MAN1A2: variants seen among roughly 807,000 people sequenced by gnomAD.
MAN1A2 encodes the protein mannosyl-oligosaccharide 1,2-alpha-mannosidase IB.
In MAN1A2, 26 loss-of-function variants were observed where a neutral mutation model predicts 75.7. The ratio of observed to expected loss-of-function variants is 0.34; its 90% CI spans 0.25 to 0.48. The LOEUF is 0.48. Among genes scored for constraint, MAN1A2 ranks in the 20% least tolerant of loss-of-function variants. MAN1A2 has a pLI of 0.99. For missense variants in MAN1A2, 562 were observed against 775.5 expected (o/e 0.72, Z 3.27); for synonymous variants, 247 against 264.6 (o/e 0.93, Z 0.65).
At position 117,398,067 on chromosome 1, in the gene MAN1A2, A is replaced by G. The variant is rs191254827; in HGVS notation, c.303-4119A>G. Reference sequence around the variant, plus strand: ...TGCATTTTAGTATTTTTAAACACCTATTATATGCCAGGTAGTGTCCTAGGC... The same window carrying G: ...TGCATTTTAGTATTTTTAAACACCTGTTATATGCCAGGTAGTGTCCTAGGC... On this transcript the variant is annotated intron_variant, in intron 1 of 12. Transcript: ENST00000356554. Among the ~76,000 whole-genome samples the G allele has an allele frequency of 2.1e-4, 32 of 152,256 alleles. 1 individual carries two copies. Among genetic ancestry groups the G allele is most frequent in the African/African-American group, 7.0e-4 (29 of 41,536 alleles).
At chr1:117,377,075 T>C (rs1317570627) in intron 1 of MAN1A2, among the ~76,000 whole-genome samples, 1 of 152,190 alleles carries the variant, frequency 6.6e-6, no homozygotes, top group Non-Finnish European at 1.5e-5. Flanking sequence ...CATATATACA[T>C]GAACATATTT....
At chr1:117,445,990 A>G (rs1439088149) in intron 6 of MAN1A2, among the ~76,000 whole-genome samples, 1 of 148,092 alleles carries the variant, frequency 6.8e-6, no homozygotes, top group Non-Finnish European at 1.5e-5. Context: ...CATATATCTT[A>G]TATTCAGATT....
chr1:117,513,615 C>A (rs981518037), intron 12 of MAN1A2, among the ~76,000 whole-genome samples: 33 of 151,614 alleles, frequency 2.2e-4, no homozygotes, highest in African/African-American at 7.3e-4. Context: ...AAAGTAATTT[C>A]ATCTAATTTA....
intron 12 of MAN1A2, among the ~76,000 whole-genome samples, chr1:117,513,716 G>A (rs772197611): frequency 1.3e-5 from 2 of 152,054 alleles, no homozygotes; most frequent in African/African-American, 2.4e-5. Context: ...AAGCAGAAAT[G>A]TAGGAGCTAA....
At chr1:117,483,512 G>T (rs1056328875) in intron 8 of MAN1A2, among the ~76,000 whole-genome samples, 1 of 152,092 alleles carries the variant, frequency 6.6e-6, no homozygotes, top group South Asian at 2.1e-4. Context: ...TTGCAAATGG[G>T]AGTTCACTCA....
chr1:117,478,903 T>C (rs998709253), intron 8 of MAN1A2, among the ~76,000 whole-genome samples: 11 of 151,944 alleles, frequency 7.2e-5, no homozygotes, highest in Non-Finnish European at 1.3e-4. Context: ...CTTTGCATTT[T>C]CTTTCTTTCT....
chr1:117,368,979 G>C (rs1368025044), intron 1 of MAN1A2, among the ~76,000 whole-genome samples: 3 of 152,066 alleles, frequency 2.0e-5, no homozygotes, highest in Non-Finnish European at 4.4e-5. Flanking sequence ...CAGCTTTTTA[G>C]GATGACAAAC....
At chr1:117,510,262 A>G (rs1651494674) in intron 12 of MAN1A2, among the ~76,000 whole-genome samples, 1 of 152,046 alleles carries the variant, frequency 6.6e-6, no homozygotes, top group Non-Finnish European at 1.5e-5. Flanking sequence ...TGCATTTGAC[A>G]TAACTATAAT....
chr1:117,370,943 A>G (rs534368730), intron 1 of MAN1A2, among the ~76,000 whole-genome samples: 1 of 152,330 alleles, frequency 6.6e-6, no homozygotes, highest in South Asian at 2.1e-4. Flanking sequence ...CAGACTGTAT[A>G]GATTCATACC....
chr1:117,444,645 A>G (rs181847215), intron 6 of MAN1A2, among the ~76,000 whole-genome samples: 2 of 152,108 alleles, frequency 1.3e-5, no homozygotes, highest in Non-Finnish European at 2.9e-5. Context: ...TCCTTTTCAT[A>G]AATTTATTGG....
At chr1:117,391,346 G>C (rs1653712688) in intron 1 of MAN1A2, among the ~76,000 whole-genome samples, 1 of 152,084 alleles carries the variant, frequency 6.6e-6, no homozygotes, top group Admixed American at 6.5e-5. Context: ...TGTCCTTATT[G>C]ATTTTCCTTC....
intron 3 of MAN1A2, among the ~76,000 whole-genome samples, chr1:117,410,888 TA>T (rs1284426158): frequency 6.6e-6 from 1 of 151,834 alleles, no homozygotes; most frequent in African/African-American, 2.4e-5. Context: ...TATATGTGTA[TA>T]AATTTGACAA....
chr1:117,512,426 G>T (rs1232095695), intron 12 of MAN1A2, among the ~76,000 whole-genome samples: 1 of 152,032 alleles, frequency 6.6e-6, no homozygotes, highest in East Asian at 1.9e-4. Context: ...TGATAAATAG[G>T]TCTAGAGTGG....
chr1:117,443,516 T>C (rs1197540316), intron 6 of MAN1A2, among the ~76,000 whole-genome samples: 1 of 152,182 alleles, frequency 6.6e-6, no homozygotes, highest in East Asian at 1.9e-4. Context: ...ACTTAGATAA[T>C]AATTAAAACT....
At chr1:117,377,243 TTAA>T (rs1206217149) in intron 1 of MAN1A2, among the ~76,000 whole-genome samples, 1 of 152,240 alleles carries the variant, frequency 6.6e-6, no homozygotes, top group Non-Finnish European at 1.5e-5. Context: ...TTATTTTCTA[TTAA>T]TTTGTGTTGT....
At chr1:117,377,004 A>G (rs1653169310) in intron 1 of MAN1A2, among the ~76,000 whole-genome samples, 1 of 152,204 alleles carries the variant, frequency 6.6e-6, no homozygotes, top group Admixed American at 6.5e-5. Flanking sequence ...TTTGGTTTCC[A>G]AGGGAGGTCC....
rs1557984119 is a variant in MAN1A2, at chr1:117,523,460, A to G, written c.*503A>G. 6.8e-6 allele frequency: 2 copies of G among 294,316 alleles called. No individual in the cohort carries two copies. Among genetic ancestry groups the G allele is most frequent in the Non-Finnish European group, 1.4e-5 (2 of 147,646 alleles). 18.2% of individuals were successfully genotyped at this position (294,316 alleles called of 1,614,324 possible). On this transcript the variant is annotated 3_prime_UTR_variant, in exon 13 of 13. Transcript: ENST00000356554. ...AAATAAACAAGAACAAAAGAATAGT[A>G]TAATTATATCAGTAACAAGAAGACT...
At chr1:117,487,796 G>C (rs1165013672) in intron 8 of MAN1A2, among the ~76,000 whole-genome samples, 1 of 151,670 alleles carries the variant, frequency 6.6e-6, no homozygotes, top group Non-Finnish European at 1.5e-5. Flanking sequence ...TAAGTATAAG[G>C]GACTCTCCCT....
chr1:117,480,956 C>T (rs1344490765), intron 8 of MAN1A2, among the ~76,000 whole-genome samples: 1 of 151,786 alleles, frequency 6.6e-6, no homozygotes, highest in Non-Finnish European at 1.5e-5. Flanking sequence ...ACACCTTTCC[C>T]TCAACCCCAC....
Sources: allele counts gnomAD v4.1 joint callset (sites outside exome capture counted in the v4.1 genomes callset), GRCh38; gene constraint gnomAD v4.1.1; transcripts MANE v1.5; gene names NCBI Gene and HGNC (gene_info 2026-07-23, HGNC 2026-07-21).